CNIH3: variants seen among roughly 807,000 people sequenced by gnomAD.
CNIH3 encodes the protein protein cornichon homolog 3.
In CNIH3, 14 loss-of-function variants were observed where a neutral mutation model predicts 24.1. That is an observed-to-expected ratio of 0.58 (90% confidence interval 0.38 to 0.91). The LOEUF is 0.91. Ranked by LOEUF, CNIH3 falls within the 40% of genes least tolerant of loss-of-function variation. CNIH3 has a pLI of 0.00. For synonymous variants in CNIH3, 68 were observed against 73.8 expected, an observed-to-expected ratio of 0.92 and a Z score of 0.40; for missense variants, 178 against 196.8, an observed-to-expected ratio of 0.90 and a Z score of 0.57.
intron 1 of CNIH3, among the ~76,000 whole-genome samples, chr1:224,657,280 C>T (rs1439929317): frequency 1.3e-5 from 2 of 152,024 alleles, no homozygotes; most frequent in South Asian, 2.1e-4. Context: ...GCCAAAACCC[C>T]GAAGCCAAAA....
At chr1:224,536,282 G>GTTTT (rs1679278971) in intron 2 of CNIH3, among the ~76,000 whole-genome samples, 1 of 111,016 alleles carries the variant, frequency 9.0e-6, no homozygotes, top group Non-Finnish European at 1.8e-5. Context: ...CATAATTGTT[G>GTTTT]TCTTTTTTTT....
chr1:224,624,768 C>T (rs144997352), intron 1 of CNIH3, among the ~76,000 whole-genome samples: 1,648 of 152,316 alleles, frequency 0.011, 13 homozygotes, highest in Admixed American at 0.017. Flanking sequence ...TGGTTTCTCT[C>T]GCTTTCAAAG....
chr1:224,672,224 G>T (rs1013089468), intron 1 of CNIH3, among the ~76,000 whole-genome samples: 1 of 151,978 alleles, frequency 6.6e-6, no homozygotes, highest in Non-Finnish European at 1.5e-5. Flanking sequence ...AGGAAGGTTT[G>T]GGGGGAGTAT....
chr1:224,589,137 G>A (rs1355270540), downstream of CNIH3, among the ~76,000 whole-genome samples: 5 of 152,078 alleles, frequency 3.3e-5, no homozygotes, highest in Non-Finnish European at 7.3e-5. Context: ...AACTTTCTAA[G>A]TTTGGATCTG....
upstream of CNIH3, among the ~76,000 whole-genome samples, chr1:224,615,043 A>G (rs949961868): frequency 1.3e-5 from 2 of 152,184 alleles, no homozygotes; most frequent in African/African-American, 4.8e-5. Flanking sequence ...CAGGATTAGG[A>G]GTCCGCAGAC....
intron 1 of CNIH3, among the ~76,000 whole-genome samples, chr1:224,453,010 C>T (rs551969773): frequency 6.7e-6 from 1 of 150,292 alleles, no homozygotes; most frequent in South Asian, 2.1e-4. Context: ...ATCCCAGCTA[C>T]TCGGGAAGGC....
Position 224,578,169 on chromosome 1 carries a change from A to T in CNIH3, n.517-4995A>T, listed in dbSNP as rs180728595. On this transcript the variant is annotated intron_variant and non_coding_transcript_variant, in intron 4 of 5. Coordinates refer to the CNIH3 transcript ENST00000471578. ...CCTCTTCCCCCAAAACTATTGAAAT[A>T]AAAATTAAAAAAATAAAAACAACAA... Among the ~76,000 whole-genome samples the T allele has an allele frequency of 2.9e-3, 449 of 152,336 alleles. 1 individual carries two copies. The highest frequency in any genetic ancestry group is 0.01 in the African/African-American group (426 of 41,570).
In CNIH3 at chr1:224,703,842, A is replaced by C. The variant is rs1687633982; in HGVS notation, c.198+18999A>C. Among the ~76,000 whole-genome samples the C allele has an allele frequency of 6.6e-6, 1 of 152,192 alleles. No homozygotes were observed. The highest frequency in any genetic ancestry group is 1.5e-5 in the Non-Finnish European group (1 of 68,028). On this transcript the variant is annotated intron_variant, in intron 3 of 5. Coordinates refer to ENST00000272133, the MANE Select transcript of CNIH3 (RefSeq NM_152495.2). The surrounding 1 kb of genome is among the most constrained non-coding windows in gnomAD (Gnocchi z 4.2). ...ACTGCCAGCTCATTCAGCCCGCAGCAGGTATTTAGGCAGAACAAGATGAGC... is the reference window on the plus strand; with the variant it reads ...ACTGCCAGCTCATTCAGCCCGCAGCCGGTATTTAGGCAGAACAAGATGAGC...
At chr1:224,730,814 A>G (rs1030141405) in intron 4 of CNIH3, among the ~76,000 whole-genome samples, 12 of 152,256 alleles carry the variant, frequency 7.9e-5, no homozygotes. Context: ...TGTTAAAAGC[A>G]TCTATAGTTG....
rs116993940 is a variant in CNIH3, at chr1:224,672,941, T to A, written c.82-8017T>A. 2.8e-3 allele frequency among the ~76,000 whole-genome samples: 424 copies of A among 152,310 alleles called. 8 individuals are homozygous for A. The East Asian group carries it at 0.029, about 11-fold the overall frequency. ...ACTCATTAGAAAACTGCGCAGCTTT[T>A]CCCAGTGCCCAAATGCTCTCTGAGA... On this transcript the variant is annotated intron_variant, in intron 1 of 5. Coordinates refer to ENST00000272133, the MANE Select transcript of CNIH3 (RefSeq NM_152495.2).
At chr1:224,724,433 G>A (rs1260198125) in intron 3 of CNIH3, among the ~76,000 whole-genome samples, 2 of 152,210 alleles carry the variant, frequency 1.3e-5, no homozygotes, top group African/African-American at 4.8e-5. Flanking sequence ...GGCCCAGAAT[G>A]TAGTTTCCTG....
chr1:224,561,567 GTGGCCTCTTCTAA>G (rs1290853733), intron 3 of CNIH3, among the ~76,000 whole-genome samples: 22 of 152,214 alleles, frequency 1.4e-4, no homozygotes, highest in Non-Finnish European at 7.3e-5. Flanking sequence ...TCTGCTCGAT[GTGGCCTCTTCTAA>G]TGGGAACCTG....
chr1:224,533,033 A>G (rs1251392185), intron 2 of CNIH3, among the ~76,000 whole-genome samples: 1 of 152,198 alleles, frequency 6.6e-6, no homozygotes, highest in Non-Finnish European at 1.5e-5. Flanking sequence ...TCTATTCAGG[A>G]GAAATTTATG....
At chr1:224,719,302 G>A (rs2060558) in intron 3 of CNIH3, among the ~76,000 whole-genome samples, 152,222 of 152,240 alleles carry the variant, frequency 1, 76,102 homozygotes, top group Middle Eastern at 1. Flanking sequence ...AGCTTTTATT[G>A]CTTAGGAGTG....
chr1:224,673,386 C>T (rs143672882), intron 1 of CNIH3, among the ~76,000 whole-genome samples: 8 of 152,300 alleles, frequency 5.3e-5, no homozygotes, highest in South Asian at 2.1e-4. Flanking sequence ...CTCCCCTCCC[C>T]CTGCTGTCTG....
At chr1:224,512,347 T>C (rs944048476), upstream of CNIH3, among the ~76,000 whole-genome samples, 1 of 152,072 alleles carries the variant, frequency 6.6e-6, no homozygotes, top group African/African-American at 2.4e-5. Context: ...CGAGGCATGG[T>C]GGTGCACGCC....
intron 3 of CNIH3, among the ~76,000 whole-genome samples, chr1:224,711,802 A>G (rs1447227136): frequency 6.6e-6 from 1 of 151,134 alleles, no homozygotes; most frequent in Non-Finnish European, 1.5e-5. Flanking sequence ...CTCAAAAAAA[A>G]AAAAAAAAAA....
At chr1:224,539,994 T>C (rs1679450844), downstream of CNIH3, among the ~76,000 whole-genome samples, 1 of 152,214 alleles carries the variant, frequency 6.6e-6, no homozygotes, top group Admixed American at 6.5e-5. Flanking sequence ...GCTTTACTCA[T>C]AGTAAGCCTC....
At chr1:224,671,636 C>G (rs916717563) in intron 1 of CNIH3, among the ~76,000 whole-genome samples, 1 of 152,218 alleles carries the variant, frequency 6.6e-6, no homozygotes, top group African/African-American at 2.4e-5. Context: ...GTGGGTGTCA[C>G]ATCATTTGGG....
Sources: gnomAD v4.1 joint callset for allele counts (sites outside exome capture counted in the v4.1 genomes callset) on GRCh38, gnomAD v4.1.1 for gene constraint, Gnocchi (gnomAD v3.1) non-coding constraint, MANE v1.5 for transcripts, NCBI Gene and HGNC (gene_info 2026-07-23, HGNC 2026-07-21) for gene names.